MSH3: variants seen among roughly 807,000 people sequenced by gnomAD.
The protein encoded by MSH3 is mutS homolog 3, also known as DNA mismatch repair protein Msh3.
MSH3 carries 106 observed loss-of-function variants against 123.3 expected under a neutral mutation model. That is an observed-to-expected ratio of 0.86 (90% CI 0.73 to 1.01). The LOEUF (loss-of-function observed/expected upper bound fraction) is 1.01. MSH3 is among the 50% of genes least tolerant of loss of function. MSH3 has a pLI of 0.00. For synonymous variants in MSH3, 515 were observed against 481.4 expected, an observed-to-expected ratio of 1.07 and a Z score of -0.91; for missense variants, 1,459 against 1,347.6, an observed-to-expected ratio of 1.08 and a Z score of -1.29.
chr5:80,736,592 G>A (rs966133784), intron 10 of MSH3, among the ~76,000 whole-genome samples: 2 of 152,090 alleles, frequency 1.3e-5, no homozygotes, highest in Middle Eastern at 3.2e-3. Context: ...TCACCATTTC[G>A]TGATGAGAGT....
At chr5:80,857,809 A>G (rs1009969418) in intron 21 of MSH3, among the ~76,000 whole-genome samples, 1 of 152,064 alleles carries the variant, frequency 6.6e-6, no homozygotes, top group African/African-American at 2.4e-5. Flanking sequence ...CTAGAAGCTT[A>G]TCAGTTTTCT....
intron 2 of MSH3, among the ~76,000 whole-genome samples, chr5:80,658,027 T>A (rs936948624): frequency 3.7e-4 from 46 of 125,636 alleles, no homozygotes; most frequent in African/African-American, 1.4e-3. Flanking sequence ...CTAAGAATGC[T>A]TTTTGCCCTC....
At chr5:80,768,763 C>T (rs1323752950) in intron 14 of MSH3, 72 bp from the exon 15 acceptor site, 1 of 1,313,080 alleles carries the variant, frequency 7.6e-7, no homozygotes, top group Non-Finnish European at 1.1e-6. Context: ...TTTTATCACA[C>T]TATGAAAAAT....
Position 80,767,962 on chromosome 5 carries a change from C to G in MSH3, c.1926C>G (p.Val642=). ...CTACCCAAGAGTTCTTCTTGATTGT[C>G]AAAACTTTATATCACCTAAAGTCAG... ...KCSTQEFFLI[V]KTLYHLKSEF... is the part of the protein sequence containing the mutation. The change falls in exon 14 of 24, where the codon GTC becomes GTG. Residue 642 remains valine, a synonymous_variant. Coordinates refer to ENST00000265081, the MANE Select transcript of MSH3 (RefSeq NM_002439.5). The G allele has an allele frequency of 6.2e-7, 1 of 1,612,558 alleles. No homozygotes were observed. Among genetic ancestry groups the G allele is most frequent in the South Asian group, 1.1e-5 (1 of 91,036 alleles).
intron 2 of MSH3, among the ~76,000 whole-genome samples, chr5:80,664,747 T>C (rs1749526004): frequency 6.6e-6 from 1 of 152,228 alleles, no homozygotes; most frequent in African/African-American, 2.4e-5. Flanking sequence ...CTCTTGGTTT[T>C]CCTAATTACT....
rs202083881 is a variant in MSH3 at position 80,678,915 on chromosome 5, A to G, written c.1174-12A>G. ...ATTTTTTCTGTAACATTATATTTGT[A>G]TTTGTTTTTAGGGAGTGCAGCCTGC... On this transcript the variant is annotated splice_polypyrimidine_tract_variant and intron_variant, in intron 7 of 23. Coordinates refer to ENST00000265081, the MANE Select transcript of MSH3 (RefSeq NM_002439.5). 267 of 1,613,884 alleles carry G rather than the reference A, an allele frequency of 1.7e-4. 1 individual carries two copies. The highest frequency in any genetic ancestry group is 3.3e-4 in the Middle Eastern group (2 of 6,038).
intron 19 of MSH3, among the ~76,000 whole-genome samples, chr5:80,812,560 G>T (rs1464918742): frequency 6.8e-6 from 1 of 148,012 alleles, no homozygotes; most frequent in Non-Finnish European, 1.5e-5. Context: ...TTTTATGCTA[G>T]CTAGGCCCAT....
chr5:80,808,345 C>G (rs1323246746), intron 19 of MSH3, among the ~76,000 whole-genome samples: 2 of 152,226 alleles, frequency 1.3e-5, no homozygotes, highest in South Asian at 2.1e-4. Flanking sequence ...GTTTTTCTAT[C>G]TGGGACCTCC....
At position 80,840,909 on chromosome 5, in the gene MSH3, C is replaced by T. The variant is rs1020358371; in HGVS notation, c.2814-13221C>T. 3.6e-5 allele frequency among the ~76,000 whole-genome samples: 5 copies of T among 138,032 alleles called. No homozygotes were observed. In the East Asian group the frequency reaches 1.1e-3, roughly 31 times the overall value. 90.6% of individuals were successfully genotyped at this position (138,032 alleles called of 152,430 possible). On this transcript the variant is annotated intron_variant, in intron 20 of 23. Coordinates refer to ENST00000265081, the MANE Select transcript of MSH3 (RefSeq NM_002439.5). The stretch of plus-strand genomic sequence containing the variant: ...TTTTTTTTAAATTTTAAGAAATGCT[C>T]TTTTTTTTTAATATACTTTAAGTTC...
chr5:80,873,343 A>G lies in MSH3; in HGVS notation c.3302+56A>G. ...TGTAATGAAACCTTCTAAGTTGTCC[A>G]AGAAAGAGAGGAGCGTCCTAAAAAT... On this transcript the variant is annotated intron_variant, in intron 23 of 23. Transcript: ENST00000265081. 1.9e-6 allele frequency: 3 copies of G among 1,582,500 alleles called. No individual in the cohort carries two copies. In the South Asian group the frequency reaches 3.4e-5, roughly 18 times the overall value.
At chr5:80,729,360 C>T (rs888725437) in intron 10 of MSH3, among the ~76,000 whole-genome samples, 1 of 146,138 alleles carries the variant, frequency 6.8e-6, no homozygotes. Flanking sequence ...AGCCTGCAGT[C>T]AGCCCAGATC....
chr5:80,688,725 CATT>C (rs1750152958), intron 8 of MSH3, among the ~76,000 whole-genome samples: 1 of 149,954 alleles, frequency 6.7e-6, no homozygotes, highest in Non-Finnish European at 1.5e-5. Flanking sequence ...TTGAATTAAA[CATT>C]AGTATAAAGG....
chr5:80,827,284 A>G (rs1211489675), intron 20 of MSH3, among the ~76,000 whole-genome samples: 4 of 152,204 alleles, frequency 2.6e-5, no homozygotes, highest in Non-Finnish European at 4.4e-5. Context: ...ATAGCTAACA[A>G]TTTTCATGCC....
chr5:80,865,607 C>T (rs1362789220), intron 22 of MSH3, among the ~76,000 whole-genome samples: 2 of 152,086 alleles, frequency 1.3e-5, no homozygotes, highest in African/African-American at 2.4e-5. Flanking sequence ...AAAAGAACAC[C>T]GTTAGCCAAT....
intron 6 of MSH3, 57 bp downstream of exon 6, chr5:80,672,915 G>A: frequency 7.4e-7 from 1 of 1,351,532 alleles, no homozygotes; most frequent in Non-Finnish European, 1.1e-6. Flanking sequence ...TTGTTGGCAG[G>A]TTTTGTTTGT....
At chr5:80,814,026 G>A (rs1378843250) in intron 20 of MSH3, among the ~76,000 whole-genome samples, 1 of 151,476 alleles carries the variant, frequency 6.6e-6, no homozygotes, top group African/African-American at 2.4e-5. Context: ...CCAGGAACCT[G>A]AGGTGGGAGG....
chr5:80,703,965 T>G (rs1750665308), intron 8 of MSH3, among the ~76,000 whole-genome samples: 1 of 152,136 alleles, frequency 6.6e-6, no homozygotes, highest in Non-Finnish European at 1.5e-5. Context: ...GCGTGTTCTG[T>G]GGTGCCCAGC....
intron 20 of MSH3, among the ~76,000 whole-genome samples, chr5:80,826,496 C>T (rs2112072681): frequency 6.6e-6 from 1 of 150,518 alleles, no homozygotes; most frequent in South Asian, 2.1e-4. Context: ...ATACAGTGTG[C>T]AAGAAGAAGA....
At chr5:80,733,709 G>A (rs1204048658) in intron 10 of MSH3, among the ~76,000 whole-genome samples, 1 of 151,846 alleles carries the variant, frequency 6.6e-6, no homozygotes, top group Non-Finnish European at 1.5e-5. Flanking sequence ...CAACCAAGAA[G>A]CACGTGAAAA....
Sources: allele counts gnomAD v4.1 joint callset (sites outside exome capture counted in the v4.1 genomes callset), GRCh38; gene constraint gnomAD v4.1.1; transcripts MANE v1.5; gene names NCBI Gene and HGNC (gene_info 2026-07-23, HGNC 2026-07-21).